FBN1: variants seen among roughly 807,000 people sequenced by gnomAD.
FBN1 encodes fibrillin-1.
FBN1 carries 29 observed loss-of-function variants against 365.1 expected under a neutral mutation model. That is an observed-to-expected ratio of 0.08 (90% CI 0.06 to 0.11). The LOEUF (loss-of-function observed/expected upper bound fraction) is 0.11, where lower values mean the gene tolerates loss of function less well. Ranked by LOEUF, FBN1 falls within the 10% of genes least tolerant of loss-of-function variation. The pLI is 1.00. For synonymous variants in FBN1, 1,210 were observed against 1,270.5 expected, an observed-to-expected ratio of 0.95 and a Z score of 1.01; for missense variants, 2,476 against 3,703.2, an observed-to-expected ratio of 0.67 and a Z score of 8.60.
At chr15:48,420,578 T>C in intron 63 of FBN1, 109 bp downstream of exon 63, 1 of 1,438,040 alleles carries the variant, frequency 7.0e-7, no homozygotes, top group Non-Finnish European at 9.7e-7. Flanking sequence ...CAATTTTAAA[T>C]GAGTATTTGT....
rs1382204819 is a variant in FBN1 at position 48,644,624 on chromosome 15, C to G, written c.146G>C (p.Gly49Ala). The G allele has an allele frequency of 3.7e-6, 6 of 1,613,700 alleles. No individual in the cohort carries two copies. The highest frequency in any genetic ancestry group is 5.1e-6 in the Non-Finnish European group (6 of 1,179,988). The change falls in exon 2 of 66, where the codon GGA becomes GCA. Residue 49 changes from glycine to alanine, a missense_variant. By Grantham distance (60) the Gly-to-Ala change is moderately conservative (BLOSUM62 0). Coordinates refer to ENST00000316623, the MANE Select transcript of FBN1 (RefSeq NM_000138.5). ...CCTTTACCCTTTAAGCGCGTCGTGT[C>G]CTCCACCGCCTCTTCTCTTGGCCCG... ...ASRAKRRGGG[G>A]HDALKGPNVC...
intron 45 of FBN1, among the ~76,000 whole-genome samples, chr15:48,449,772 C>T (rs2043186512): frequency 6.6e-6 from 1 of 152,212 alleles, no homozygotes; most frequent in African/African-American, 2.4e-5. Flanking sequence ...ATCTTTGCTG[C>T]AGATGCTGTA....
chr15:48,515,222 C>T (rs190280762), intron 12 of FBN1, among the ~76,000 whole-genome samples, 165 bp downstream of exon 12: 13 of 152,338 alleles, frequency 8.5e-5, no homozygotes, highest in African/African-American at 3.1e-4. Flanking sequence ...CCCAGTAAGA[C>T]TTCTGTTGGA....
intron 36 of FBN1, among the ~76,000 whole-genome samples, chr15:48,470,086 T>C (rs917455666): frequency 1.3e-5 from 2 of 152,132 alleles, no homozygotes; most frequent in African/African-American, 4.8e-5. Context: ...GAACCGAGTG[T>C]CAGTCTGCTG....
chr15:48,600,203 T>G lies in FBN1; in HGVS notation c.378A>C (p.Gly126=), dbSNP rs149611106. The G allele has an allele frequency of 8.7e-6, 14 of 1,613,974 alleles. No individual in the cohort carries two copies. The highest frequency in any genetic ancestry group is 1.1e-5 in the Non-Finnish European group (13 of 1,179,906). Residue 126 remains glycine (G), a synonymous_variant, in exon 5 of 66, where the codon GGA becomes GGC. Coordinates refer to ENST00000316623, the MANE Select transcript of FBN1 (RefSeq NM_000138.5). ...GACAGTGATCGTCACTGCAGCTACC[T>G]CCATTCATACAGCGAATATTGCAGT... ...IQHCNIRCMN[G]GSCSDDHCLC...
At chr15:48,420,882 C>A in intron 62 of FBN1, 76 bp from the exon 63 acceptor site, 1 of 1,546,148 alleles carries the variant, frequency 6.5e-7, no homozygotes, top group South Asian at 1.1e-5. Context: ...AATAAGAAAT[C>A]TGGCCCCTAC....
chr15:48,496,757 T>C (rs2043611917), intron 19 of FBN1, among the ~76,000 whole-genome samples: 1 of 152,224 alleles, frequency 6.6e-6, no homozygotes, highest in Non-Finnish European at 1.5e-5. Context: ...ATGGGGAATT[T>C]AGCTTCATGA....
intron 45 of FBN1, among the ~76,000 whole-genome samples, chr15:48,450,458 C>T (rs2043192437): frequency 4.6e-5 from 7 of 152,146 alleles, no homozygotes; most frequent in Admixed American, 4.6e-4. Context: ...TAGGTTTCCA[C>T]AAGCACCAGA....
At chr15:48,591,055 T>C (rs2140703681) in intron 6 of FBN1, among the ~76,000 whole-genome samples, 1 of 152,346 alleles carries the variant, frequency 6.6e-6, no homozygotes. Context: ...AGAAAACTTC[T>C]TGCTATTTGC....
At chr15:48,514,105 T>G (rs541538443) in intron 12 of FBN1, among the ~76,000 whole-genome samples, 1 of 152,162 alleles carries the variant, frequency 6.6e-6, no homozygotes, top group Non-Finnish European at 1.5e-5. Context: ...GAACAAAACA[T>G]GAAGCAACTG....
At chr15:48,430,298 G>T (rs2043013949) in intron 56 of FBN1, among the ~76,000 whole-genome samples, 1 of 152,184 alleles carries the variant, frequency 6.6e-6, no homozygotes, top group Admixed American at 6.5e-5. Flanking sequence ...CTGATTCAGA[G>T]GTACCTGGCA....
At chr15:48,550,782 C>T (rs2044134991) in intron 6 of FBN1, among the ~76,000 whole-genome samples, 2 of 152,120 alleles carry the variant, frequency 1.3e-5, no homozygotes, top group Non-Finnish European at 2.9e-5. Context: ...TGGAAGTCTC[C>T]CCTGACGACT....
intron 6 of FBN1, among the ~76,000 whole-genome samples, chr15:48,569,641 A>G (rs1432336536): frequency 2.6e-5 from 4 of 152,328 alleles, no homozygotes. Context: ...TCCACAATAA[A>G]AAGGAATAAA....
chr15:48,605,649 G>A (rs1483359998), intron 4 of FBN1, among the ~76,000 whole-genome samples: 2 of 152,180 alleles, frequency 1.3e-5, no homozygotes, highest in Non-Finnish European at 2.9e-5. Flanking sequence ...AAGGCATGCA[G>A]ATTGCTTGAG....
At chr15:48,559,743 C>T (rs1384141138) in intron 6 of FBN1, among the ~76,000 whole-genome samples, 1 of 152,110 alleles carries the variant, frequency 6.6e-6, no homozygotes, top group Non-Finnish European at 1.5e-5. Flanking sequence ...GAGATGATGG[C>T]ATATCAGAAG....
At chr15:48,472,487 A>C in intron 35 of FBN1, 64 bp downstream of exon 35, 1 of 1,546,656 alleles carries the variant, frequency 6.5e-7, no homozygotes, top group Non-Finnish European at 8.9e-7. Flanking sequence ...AAGCATCAGG[A>C]ATGTTTAAAT....
At chr15:48,619,195 G>A (rs1049878347) in intron 2 of FBN1, among the ~76,000 whole-genome samples, 1 of 152,136 alleles carries the variant, frequency 6.6e-6, no homozygotes, top group Admixed American at 6.5e-5. Context: ...GATTGTCTGA[G>A]TTGACACTGC....
chr15:48,549,894 A>G (rs897571294), intron 6 of FBN1, among the ~76,000 whole-genome samples: 1 of 152,260 alleles, frequency 6.6e-6, no homozygotes, highest in African/African-American at 2.4e-5. Context: ...AGGGAGCCAC[A>G]TAGAAACATA....
At position 48,464,590 on chromosome 15, in the gene FBN1, T is replaced by C. The variant is rs114957436; in HGVS notation, c.4943-569A>G. Among the ~76,000 whole-genome samples the C allele has an allele frequency of 9.8e-3, 1,491 of 152,194 alleles. 20 individuals are homozygous for C. Among genetic ancestry groups the C allele is most frequent in the African/African-American group, 0.035 (1,437 of 41,516 alleles). On this transcript the variant is annotated intron_variant, in intron 40 of 65. Coordinates refer to ENST00000316623, the MANE Select transcript of FBN1 (RefSeq NM_000138.5). ...TTCTGACATGAGGCATTATCAAATA[T>C]AATAATGAGTCTCCTAATAAATTAA... is the stretch of plus-strand genomic sequence containing the variant.
Sources: gnomAD v4.1 joint callset for allele counts (sites outside exome capture counted in the v4.1 genomes callset) on GRCh38, gnomAD v4.1.1 for gene constraint, MANE v1.5 for transcripts, NCBI Gene and HGNC (gene_info 2026-07-23, HGNC 2026-07-21) for gene names.